Variants in COG5 observed in about 807,000 individuals in gnomAD.
COG5 encodes the protein component of oligomeric golgi complex 5.
In COG5, 86 loss-of-function variants were observed where a neutral mutation model predicts 110.4. The observed-to-expected ratio is 0.78, with a 90% confidence interval of 0.65 to 0.93. The LOEUF (loss-of-function observed/expected upper bound fraction) is 0.93. Ranked by LOEUF, COG5 falls within the 40% of genes least tolerant of loss-of-function variation. The probability of loss-of-function intolerance (pLI) is 0.00; values close to 1 mark genes in which losing one functional copy is unlikely to be tolerated. For missense variants in COG5, 1,077 were observed against 987.0 expected, an observed-to-expected ratio of 1.09 and a Z score of -1.22; for synonymous variants, 360 against 334.6, an observed-to-expected ratio of 1.08 and a Z score of -0.83.
chr7:107,308,550 T>G (rs1807926846), intron 11 of COG5, among the ~76,000 whole-genome samples: 1 of 152,142 alleles, frequency 6.6e-6, no homozygotes, highest in African/African-American at 2.4e-5. Flanking sequence ...GACTGCAAAA[T>G]GAAGAGATTC....
At chr7:107,520,504 G>A (rs762369387) in intron 6 of COG5, among the ~76,000 whole-genome samples, 8 of 151,932 alleles carry the variant, frequency 5.3e-5, no homozygotes, top group Non-Finnish European at 8.8e-5. Context: ...CCAACAACAG[G>A]CAAGCAGAGA....
intron 6 of COG5, among the ~76,000 whole-genome samples, chr7:107,427,495 T>C (rs1031735342): frequency 6.6e-6 from 1 of 152,140 alleles, no homozygotes; most frequent in Non-Finnish European, 1.5e-5. Context: ...CAAAAAAAGA[T>C]GTACTGAAGT....
chr7:107,440,494 G>T (rs1485662752), intron 6 of COG5, among the ~76,000 whole-genome samples: 1 of 152,028 alleles, frequency 6.6e-6, no homozygotes, highest in African/African-American at 2.4e-5. Flanking sequence ...AAAATCCTTG[G>T]AATCTCTGGA....
In COG5 at chr7:107,527,334, C is replaced by A. The variant is rs1351869077; in HGVS notation, c.441G>T (p.Arg147Ser). The A allele has an allele frequency of 6.2e-7, 1 of 1,613,434 alleles. No individual in the cohort carries two copies. ...TACTGAGATTCAAGATACGAATAAT[C>A]CTCCGAAGCAAATCACAGGCAACCT... ...RLQVACDLLR[R>S]IIRILNLSKR... is the part of the protein sequence containing the mutation. The change falls in exon 6 of 22, where the codon AGG becomes AGT. Residue 147 changes from arginine (R) to serine (S), a missense_variant. Arg to Ser is a moderately radical substitution (Grantham distance 110). Transcript: ENST00000297135.
At chr7:107,506,321 G>A (rs1482788340) in intron 6 of COG5, among the ~76,000 whole-genome samples, 1 of 152,172 alleles carries the variant, frequency 6.6e-6, no homozygotes, top group Admixed American at 6.5e-5. Context: ...GGTTTCTCAG[G>A]AATGGGCAGG....
chr7:107,365,300 T>G (rs893025628), intron 8 of COG5, among the ~76,000 whole-genome samples: 5 of 152,020 alleles, frequency 3.3e-5, no homozygotes, highest in African/African-American at 1.2e-4. Context: ...TCTTACTCTC[T>G]TCTCTTGAAT....
At chr7:107,563,056 G>A (rs1322189059) in intron 1 of COG5, among the ~76,000 whole-genome samples, 1 of 152,192 alleles carries the variant, frequency 6.6e-6, no homozygotes, top group African/African-American at 2.4e-5. Flanking sequence ...TTATTTTTAT[G>A]CTTATAAATG....
intron 6 of COG5, among the ~76,000 whole-genome samples, chr7:107,475,884 A>T (rs1206207164): frequency 6.6e-6 from 1 of 151,694 alleles, no homozygotes; most frequent in Non-Finnish European, 1.5e-5. Context: ...CATCACAAAT[A>T]ATTAAGTACG....
chr7:107,449,017 A>G (rs1274596836), intron 6 of COG5, among the ~76,000 whole-genome samples: 1 of 152,184 alleles, frequency 6.6e-6, no homozygotes, highest in Admixed American at 6.5e-5. Context: ...AGTTGAGAAA[A>G]ATGTAAACAA....
In COG5 at chr7:107,445,717, T is replaced by C. The variant is rs752091467; in HGVS notation, c.539-33085A>G. On this transcript the variant is annotated intron_variant, in intron 6 of 21. Coordinates refer to ENST00000297135, the MANE Select transcript of COG5 (RefSeq NM_006348.5). ...AAAAATATTGTGATGACTAAAAGAATGGTATACGATGAAAAGCATTTAAGT... is the reference window on the plus strand; with the variant it reads ...AAAAATATTGTGATGACTAAAAGAACGGTATACGATGAAAAGCATTTAAGT... 2.2e-4 allele frequency among the ~76,000 whole-genome samples: 33 copies of C among 152,350 alleles called. 1 individual carries two copies. Among genetic ancestry groups the C allele is most frequent in the Non-Finnish European group, 4.4e-4 (30 of 68,026 alleles).
intron 6 of COG5, among the ~76,000 whole-genome samples, chr7:107,481,541 C>T (rs1797344359): frequency 6.6e-6 from 1 of 151,994 alleles, no homozygotes; most frequent in Non-Finnish European, 1.5e-5. Flanking sequence ...TCCCATACGT[C>T]ATATACTATA....
intron 2 of COG5, 95 bp downstream of exon 2, chr7:107,557,881 A>G: frequency 6.9e-7 from 1 of 1,449,872 alleles, no homozygotes; most frequent in East Asian, 2.3e-5. Flanking sequence ...GTACTTCTTC[A>G]TGTAAATATG....
intron 3 of COG5, among the ~76,000 whole-genome samples, chr7:107,550,895 T>G (rs1379139094): frequency 1.3e-5 from 2 of 151,506 alleles, no homozygotes; most frequent in Non-Finnish European, 1.5e-5. Context: ...TACTTTGTTT[T>G]TTTTTTTTTA....
intron 14 of COG5, among the ~76,000 whole-genome samples, chr7:107,267,539 TGTAA>T (rs958143406): frequency 1.3e-5 from 2 of 152,220 alleles, no homozygotes; most frequent in Non-Finnish European, 1.5e-5. Context: ...TAATGAATAC[TGTAA>T]GTAATTTATT....
chr7:107,237,508 G>C (rs1043166858), intron 17 of COG5, among the ~76,000 whole-genome samples: 1 of 152,214 alleles, frequency 6.6e-6, no homozygotes, highest in African/African-American at 2.4e-5. Context: ...GAATGACGTA[G>C]AGAAATTGGT....
intron 5 of COG5, among the ~76,000 whole-genome samples, chr7:107,537,646 T>C (rs1332603506): frequency 1.3e-5 from 2 of 151,730 alleles, no homozygotes. Flanking sequence ...AGATAATGGG[T>C]TGATGGGTGC....
intron 12 of COG5, among the ~76,000 whole-genome samples, chr7:107,288,942 A>T (rs867359104): frequency 1.5e-4 from 13 of 89,468 alleles, no homozygotes; most frequent in African/African-American, 2.3e-4. Context: ...ATATATATAT[A>T]TATATATATA....
At chr7:107,468,104 T>C (rs1173699004) in intron 6 of COG5, among the ~76,000 whole-genome samples, 1 of 152,178 alleles carries the variant, frequency 6.6e-6, no homozygotes, top group Non-Finnish European at 1.5e-5. Context: ...TAAATCTAGA[T>C]TATCCAATTC....
intron 6 of COG5, among the ~76,000 whole-genome samples, chr7:107,444,155 T>C (rs572872660): frequency 6.6e-6 from 1 of 152,294 alleles, no homozygotes; most frequent in African/African-American, 2.4e-5. Flanking sequence ...ATGAATTAAC[T>C]GGTCTCTCTA....
Sources: gnomAD v4.1 joint callset for allele counts (sites outside exome capture counted in the v4.1 genomes callset) on GRCh38, gnomAD v4.1.1 for gene constraint, MANE v1.5 for transcripts, NCBI Gene and HGNC (gene_info 2026-07-23, HGNC 2026-07-21) for gene names.